The following ADAMTS20 variants were observed in gnomAD, a reference collection of about 807,000 sequenced individuals.
ADAMTS20 encodes ADAM metallopeptidase with thrombospondin type 1 motif 20.
A neutral mutation model predicts 260.1 loss-of-function variants in ADAMTS20; 225 were observed. That is an observed-to-expected ratio of 0.87 (90% confidence interval 0.78 to 0.97). The LOEUF is 0.97. Ranked by LOEUF, ADAMTS20 falls within the 50% of genes least tolerant of loss-of-function variation. The pLI, the probability that ADAMTS20 is intolerant of heterozygous loss-of-function variation, is 0.00. For missense variants in ADAMTS20, 2,400 were observed against 2,337.7 expected, an observed-to-expected ratio of 1.03 and a Z score of -0.55; for synonymous variants, 802 against 769.5, an observed-to-expected ratio of 1.04 and a Z score of -0.70.
intron 2 of ADAMTS20, among the ~76,000 whole-genome samples, chr12:43,535,401 AT>A (rs5797867): frequency 6.6e-6 from 1 of 151,906 alleles, no homozygotes; most frequent in Non-Finnish European, 1.5e-5. Flanking sequence ...GCTTGCAGGG[AT>A]TTTTGTCAGA....
intron 28 of ADAMTS20, among the ~76,000 whole-genome samples, chr12:43,400,465 A>G (rs1242560553): frequency 1.3e-5 from 2 of 152,012 alleles, no homozygotes; most frequent in Middle Eastern, 3.2e-3. Flanking sequence ...AACTATTATC[A>G]TATCTTAGAT....
At chr12:43,450,843 T>C (rs2137348720) in intron 14 of ADAMTS20, among the ~76,000 whole-genome samples, 1 of 152,294 alleles carries the variant, frequency 6.6e-6, no homozygotes, top group South Asian at 2.1e-4. Context: ...AATTAACAAA[T>C]GCATAACCTC....
intron 37 of ADAMTS20, among the ~76,000 whole-genome samples, chr12:43,368,684 T>C (rs1458005397): frequency 6.6e-6 from 1 of 152,068 alleles, no homozygotes; most frequent in Non-Finnish European, 1.5e-5. Context: ...TTACAATTCT[T>C]CATCTATCAT....
chr12:43,463,078 T>C, intron 10 of ADAMTS20, 79 bp from the exon 11 acceptor site: 1 of 967,602 alleles, frequency 1.0e-6, no homozygotes, highest in Non-Finnish European at 1.5e-6. Flanking sequence ...TACACATTGA[T>C]TTATAAATTG....
At chr12:43,376,720 C>T in intron 32 of ADAMTS20, 67 bp from the exon 33 acceptor site, 2 of 1,530,420 alleles carry the variant, frequency 1.3e-6, no homozygotes, top group Non-Finnish European at 8.8e-7. Flanking sequence ...ATCCAAGTCT[C>T]CTTTTCTTAG....
In ADAMTS20 at chr12:43,428,478, G is replaced by T. The variant is rs1941377445; in HGVS notation, c.3708C>A (p.Asn1236Lys). The T allele has an allele frequency of 5.6e-6, 9 of 1,613,782 alleles. No individual in the cohort carries two copies. The highest frequency in any genetic ancestry group is 7.6e-6 in the Non-Finnish European group (9 of 1,179,878). Reference sequence around the variant, plus strand: ...AATTCTCATCAATTGGCTGATGGTAGTTCATGCATAAAACTTGTCGAGTTG... The same window carrying T: ...AATTCTCATCAATTGGCTGATGGTATTTCATGCATAAAACTTGTCGAGTTG... Reference protein sequence around the residue: ...GKTTRQVLCMNYHQPIDENYC... With the variant: ...GKTTRQVLCMKYHQPIDENYC... Residue 1236 changes from asparagine to lysine, a missense_variant, in exon 26 of 39, where the codon AAC (asparagine) becomes AAA (lysine). Asn to Lys is a moderately conservative substitution (Grantham distance 94, BLOSUM62 0). Transcript: ENST00000389420.
intron 2 of ADAMTS20, among the ~76,000 whole-genome samples, chr12:43,547,270 G>C (rs577641635): frequency 3.3e-5 from 5 of 152,282 alleles, no homozygotes; most frequent in African/African-American, 1.2e-4. Context: ...AAGGGAATGA[G>C]AGAGTCTACC....
intron 11 of ADAMTS20, among the ~76,000 whole-genome samples, chr12:43,461,334 T>G (rs1189335090): frequency 6.6e-6 from 1 of 152,006 alleles, no homozygotes; most frequent in Non-Finnish European, 1.5e-5. Context: ...TCATTTTTAT[T>G]GGGATGTTGG....
intron 3 of ADAMTS20, among the ~76,000 whole-genome samples, chr12:43,506,626 T>C (rs1340907925): frequency 1.3e-5 from 2 of 151,988 alleles, no homozygotes; most frequent in Non-Finnish European, 2.9e-5. Flanking sequence ...ATAACAGGCG[T>C]GCGCCACCAT....
Position 43,353,871 on chromosome 12 carries a change from G to T in ADAMTS20, c.*338C>A. 6.0e-6 allele frequency: 1 copy of T among 166,904 alleles called. No individual in the cohort carries two copies. Among genetic ancestry groups the T allele is most frequent in the Non-Finnish European group, 1.3e-5 (1 of 77,678 alleles). 10.3% of individuals were successfully genotyped at this position (166,904 alleles called of 1,614,324 possible). Reference sequence around the variant, plus strand: ...CAAAACTGAGCAGAGATTTACATGTGTGTTTATAGGTATAAAATAAGTGTG... The same window carrying T: ...CAAAACTGAGCAGAGATTTACATGTTTGTTTATAGGTATAAAATAAGTGTG... On this transcript the variant is annotated 3_prime_UTR_variant, in exon 39 of 39. Coordinates refer to ENST00000389420, the MANE Select transcript of ADAMTS20 (RefSeq NM_025003.5).
intron 4 of ADAMTS20, among the ~76,000 whole-genome samples, chr12:43,501,506 T>TCACACACACAC (rs1491581398): frequency 5.6e-5 from 4 of 71,314 alleles, no homozygotes; most frequent in Non-Finnish European, 1.2e-4. Context: ...CACACACATG[T>TCACACACACAC]AAGGATGAAG....
At chr12:43,392,418 A>G (rs1940614874) in intron 29 of ADAMTS20, among the ~76,000 whole-genome samples, 1 of 152,110 alleles carries the variant, frequency 6.6e-6, no homozygotes, top group Non-Finnish European at 1.5e-5. Context: ...TGGTCCTTTG[A>G]TCCTAGCATG....
chr12:43,539,711 C>A (rs1943349685), intron 2 of ADAMTS20, among the ~76,000 whole-genome samples: 1 of 152,056 alleles, frequency 6.6e-6, no homozygotes, highest in African/African-American at 2.4e-5. Context: ...ATGGAAAATC[C>A]TTTTCTGCCT....
At chr12:43,490,627 G>T (rs528982735) in intron 6 of ADAMTS20, among the ~76,000 whole-genome samples, 192 bp from the exon 7 acceptor site, 1 of 151,934 alleles carries the variant, frequency 6.6e-6, no homozygotes, top group African/African-American at 2.4e-5. Context: ...TAAGCAATAC[G>T]TACTATAAAA....
intron 31 of ADAMTS20, 137 bp from the exon 32 acceptor site, chr12:43,377,699 C>A (rs942859506): frequency 2.8e-6 from 2 of 711,010 alleles, no homozygotes; most frequent in Non-Finnish European, 4.3e-6. Context: ...TACAGATGAG[C>A]AAACATAGGT....
At chr12:43,429,903 G>A (rs1401418867) in intron 23 of ADAMTS20, among the ~76,000 whole-genome samples, 179 bp from the exon 24 acceptor site, 1 of 152,134 alleles carries the variant, frequency 6.6e-6, no homozygotes, top group African/African-American at 2.4e-5. Context: ...GTCAATAGTG[G>A]ATAATGACTG....
chr12:43,551,073 C>T lies in ADAMTS20; in HGVS notation c.289G>A (p.Ala97Thr), dbSNP rs368845264. The change falls in exon 2 of 39, where the codon GCA becomes ACA. Residue 97 changes from alanine to threonine, a missense_variant. Ala to Thr is a moderately conservative substitution (Grantham distance 58). Transcript: ENST00000389420. This position sits in a 1 kb window ranked among gnomAD's most constrained non-coding sequence, Gnocchi z 4.6. ...QLFQLNLTAD[A>T]SFLAAGYTEV... ...GTGTAGCCGGCGGCCAGAAAGGATG[C>T]ATCGGCGGTCAGGTTCAGCTGGAAG... The T allele has an allele frequency of 6.2e-7, 1 of 1,613,670 alleles. No individual in the cohort carries two copies. Among genetic ancestry groups the T allele is most frequent in the African/African-American group, 1.3e-5 (1 of 74,902 alleles).
At chr12:43,390,119 A>G (rs531771514) in intron 29 of ADAMTS20, among the ~76,000 whole-genome samples, 2 of 152,304 alleles carry the variant, frequency 1.3e-5, no homozygotes, top group South Asian at 4.1e-4. Context: ...GTGGGGTGGC[A>G]CCAAACCATT....
At chr12:43,438,594 T>C (rs1404668760) in intron 18 of ADAMTS20, among the ~76,000 whole-genome samples, 1 of 152,162 alleles carries the variant, frequency 6.6e-6, no homozygotes, top group Non-Finnish European at 1.5e-5. Context: ...TTTTCCTGAA[T>C]AGGGCACCAC....
Sources: allele counts gnomAD v4.1 joint callset (sites outside exome capture counted in the v4.1 genomes callset), GRCh38; gene constraint gnomAD v4.1.1; non-coding constraint Gnocchi (gnomAD v3.1); transcripts MANE v1.5; gene names NCBI Gene and HGNC (gene_info 2026-07-23, HGNC 2026-07-21).